Variants in PTP4A1 observed in about 807,000 individuals in gnomAD.
The protein encoded by PTP4A1 is protein tyrosine phosphatase type IVA 1.
In PTP4A1, 9 loss-of-function variants were observed where a neutral mutation model predicts 20.5. The ratio of observed to expected loss-of-function variants is 0.44; its 90% confidence interval spans 0.26 to 0.77. The LOEUF (loss-of-function observed/expected upper bound fraction) is 0.77, where lower values mean the gene tolerates loss of function less well. PTP4A1 is among the 30% of genes least tolerant of loss of function. The probability of loss-of-function intolerance (pLI) is 0.19; values close to 1 mark genes in which losing one functional copy is unlikely to be tolerated. For missense variants in PTP4A1, 137 were observed against 218.8 expected, an observed-to-expected ratio of 0.63 and a Z score of 2.36; for synonymous variants, 78 against 67.4, an observed-to-expected ratio of 1.16 and a Z score of -0.77.
chr6:63,525,089 C>A (rs1775102032), intron 1 of PTP4A1, among the ~76,000 whole-genome samples: 2 of 152,194 alleles, frequency 1.3e-5, no homozygotes, highest in African/African-American at 4.8e-5. Context: ...TAGAAGATGT[C>A]CTGCATCAAA....
intron 1 of PTP4A1, among the ~76,000 whole-genome samples, chr6:63,526,305 A>G (rs1185494559): frequency 6.6e-6 from 1 of 152,026 alleles, no homozygotes; most frequent in Non-Finnish European, 1.5e-5. Context: ...AGCCTGGGTA[A>G]CAGAGCAAGA....
upstream of PTP4A1, chr6:63,572,319 A>T (rs1259840154): frequency 4.2e-6 from 1 of 235,420 alleles, no homozygotes; most frequent in East Asian, 8.2e-5. Context: ...CCATTCATCA[A>T]CCGGTTCACA....
chr6:63,531,758 T>C (rs1775477784), intron 2 of PTP4A1, among the ~76,000 whole-genome samples: 1 of 152,154 alleles, frequency 6.6e-6, no homozygotes, highest in Admixed American at 6.6e-5. Context: ...CCCAAAGTGC[T>C]GTGATTACAG....
At position 63,541,018 on chromosome 6, in the gene PTP4A1, GAATGAAGA is replaced by G. The variant is rs776401162; in HGVS notation, c.-639-9279_-639-9272del. On this transcript the variant is annotated intron_variant, in intron 2 of 3. Transcript: ENST00000639568. ...ACTCTGTCAAAAAAAAGGAAGGAGG[GAATGAAGA>G]AAGGAAGGAAGGAAGGAAGGAAGGA... 5.9e-3 allele frequency among the ~76,000 whole-genome samples: 714 copies of G among 120,240 alleles called. 3 individuals carry two copies. Among genetic ancestry groups the G allele is most frequent in the African/African-American group, 0.01 (295 of 28,218 alleles). The allele number at this position is 120,240 out of a possible 152,430, so 78.9% of individuals were successfully genotyped here.
At chr6:63,546,706 C>CA (rs34935752) in intron 2 of PTP4A1, among the ~76,000 whole-genome samples, 2,489 of 140,168 alleles carry the variant, frequency 0.018, 54 homozygotes, top group African/African-American at 0.054. Context: ...AACTCCATCT[C>CA]AAAAAAAAAA....
At chr6:63,520,232 T>C (rs1157557433), upstream of PTP4A1, among the ~76,000 whole-genome samples, 1 of 152,240 alleles carries the variant, frequency 6.6e-6, no homozygotes, top group East Asian at 1.9e-4. Context: ...ATTAGACATT[T>C]ATGTGATTCT....
chr6:63,543,511 A>G (rs796312482), intron 2 of PTP4A1, among the ~76,000 whole-genome samples: 31 of 152,334 alleles, frequency 2.0e-4, no homozygotes, highest in African/African-American at 7.2e-4. Flanking sequence ...TGAGAACAGT[A>G]TCTGACAGGA....
intron 1 of PTP4A1, among the ~76,000 whole-genome samples, chr6:63,574,873 T>G (rs1225071547): frequency 6.6e-6 from 1 of 152,246 alleles, no homozygotes; most frequent in Non-Finnish European, 1.5e-5. Flanking sequence ...ACTGTAACTG[T>G]GATGGCTTTG....
chr6:63,558,625 C>T (rs1264408241), intron 3 of PTP4A1, among the ~76,000 whole-genome samples: 1 of 152,168 alleles, frequency 6.6e-6, no homozygotes, highest in Non-Finnish European at 1.5e-5. Flanking sequence ...AATATAAATA[C>T]ATCCAGAGCT....
At chr6:63,576,151 A>G (rs1025985265) in intron 1 of PTP4A1, among the ~76,000 whole-genome samples, 1 of 150,726 alleles carries the variant, frequency 6.6e-6, no homozygotes, top group African/African-American at 2.4e-5. Flanking sequence ...ATGAATATAT[A>G]TATGAATTTC....
chr6:63,556,564 T>G (rs918569868), intron 3 of PTP4A1, among the ~76,000 whole-genome samples: 2 of 152,212 alleles, frequency 1.3e-5, no homozygotes, highest in African/African-American at 2.4e-5. Flanking sequence ...GGTTTCTGTA[T>G]GCCTCATAAT....
intron 1 of PTP4A1, among the ~76,000 whole-genome samples, chr6:63,526,911 T>C (rs1775214310): frequency 6.6e-6 from 1 of 150,606 alleles, no homozygotes; most frequent in South Asian, 2.1e-4. Context: ...AGACCAAATG[T>C]TGGATTTATA....
chr6:63,545,736 C>G (rs1226203755), intron 2 of PTP4A1, among the ~76,000 whole-genome samples: 1 of 152,018 alleles, frequency 6.6e-6, no homozygotes, highest in Non-Finnish European at 1.5e-5. Context: ...ATTTAGGAAC[C>G]AAAATCTGAA....
chr6:63,561,266 A>G lies in PTP4A1; in HGVS notation c.-446+10773A>G, dbSNP rs1206032487. Among the ~76,000 whole-genome samples, 7 of 152,206 alleles carry G rather than the reference A, an allele frequency of 4.6e-5. No homozygotes were observed. In the East Asian group the frequency reaches 1.3e-3, roughly 29 times the overall value. Reference sequence around the variant, plus strand: ...AAGCTTTCTGAGGCTGCATGTCCTGATTTTTATAATGGGAGTAATATCAAT... The same window carrying G: ...AAGCTTTCTGAGGCTGCATGTCCTGGTTTTTATAATGGGAGTAATATCAAT... On this transcript the variant is annotated intron_variant, in intron 3 of 3. Transcript: ENST00000639568.
chr6:63,580,065 G>A lies in PTP4A1; in HGVS notation c.413G>A (p.Arg138His), dbSNP rs754493391. 1.8e-5 allele frequency: 29 copies of A among 1,606,752 alleles called. No homozygotes were observed. The highest frequency in any genetic ancestry group is 4.4e-5 in the South Asian group (4 of 90,698). Reference sequence around the variant, plus strand: ...TTTTTTTTTCCTCCCAGAAAGCGGCGTGGAGCTTTTAACAGCAAGCAACTT... The same window carrying A: ...TTTTTTTTTCCTCCCAGAAAGCGGCATGGAGCTTTTAACAGCAAGCAACTT... ...DAVQFIRQKR[R>H]GAFNSKQLLY... The change falls in exon 6 of 6, where the codon CGT becomes CAT. Residue 138 changes from arginine to histidine, a missense_variant. Arg to His is a conservative substitution (Grantham distance 29, BLOSUM62 0). Coordinates refer to ENST00000626021, the MANE Select transcript of PTP4A1 (RefSeq NM_003463.5).
intron 2 of PTP4A1, chr6:63,549,232 C>T (rs1776330847): frequency 1.4e-6 from 1 of 732,866 alleles, no homozygotes; most frequent in South Asian, 1.4e-5. Flanking sequence ...AGTAGCAGAG[C>T]AGCTGTTTGG....
chr6:63,569,108 C>T (rs1581943058), upstream of PTP4A1, among the ~76,000 whole-genome samples: 1 of 152,198 alleles, frequency 6.6e-6, no homozygotes, highest in Non-Finnish European at 1.5e-5. Context: ...GAATCCTTCA[C>T]TCCTTTTGTA....
At chr6:63,573,497 C>G (rs1453947904) in intron 1 of PTP4A1, 3 of 152,154 alleles carry the variant, frequency 2.0e-5, no homozygotes, top group Non-Finnish European at 4.4e-5. Flanking sequence ...GATTGCGGCG[C>G]GGAGAGGGGG....
chr6:63,530,744 T>A (rs557615234), intron 2 of PTP4A1, among the ~76,000 whole-genome samples: 6 of 152,210 alleles, frequency 3.9e-5, no homozygotes, highest in Non-Finnish European at 7.4e-5. Context: ...TCTAGAGGCA[T>A]ACCTGAATTC....
Sources: allele counts gnomAD v4.1 joint callset (sites outside exome capture counted in the v4.1 genomes callset), GRCh38; gene constraint gnomAD v4.1.1; transcripts MANE v1.5; gene names NCBI Gene and HGNC (gene_info 2026-07-23, HGNC 2026-07-21).